B4GALT4: variants seen among roughly 807,000 people sequenced by gnomAD.
B4GALT4 encodes beta-1,4-galactosyltransferase 4.
B4GALT4 carries 27 observed loss-of-function variants against 37.3 expected under a neutral mutation model. The ratio of observed to expected loss-of-function variants is 0.72; its 90% CI spans 0.53 to 1.00. The LOEUF (loss-of-function observed/expected upper bound fraction) is 1.00, where lower values mean the gene tolerates loss of function less well. Ranked by LOEUF, B4GALT4 falls within the 50% of genes least tolerant of loss-of-function variation. The pLI, the probability that B4GALT4 is intolerant of heterozygous loss-of-function variation, is 0.00. For synonymous variants in B4GALT4, 148 were observed against 154.1 expected (o/e 0.96, Z 0.29); for missense variants, 372 against 413.1 (o/e 0.90, Z 0.86).
At chr3:119,223,864 C>T (rs1419357895) in intron 5 of B4GALT4, among the ~76,000 whole-genome samples, 194 bp downstream of exon 5, 2 of 152,208 alleles carry the variant, frequency 1.3e-5, no homozygotes, top group African/African-American at 4.8e-5. Flanking sequence ...CTTTGTGATC[C>T]TCTGCTGAAG....
chr3:119,240,107 G>T (rs74417264), intron 1 of B4GALT4: 9,160 of 150,786 alleles, frequency 0.061, 329 homozygotes, highest in African/African-American at 0.11. Context: ...CCTCACCACC[G>T]CCACGTCCCC....
chr3:119,220,911 G>A (rs1156690037), intron 5 of B4GALT4, among the ~76,000 whole-genome samples: 3 of 151,844 alleles, frequency 2.0e-5, no homozygotes, highest in East Asian at 1.9e-4. Flanking sequence ...CCTTGAACCC[G>A]GGAGGTGGAA....
At chr3:119,232,494 G>A (rs1453532810) in intron 2 of B4GALT4, 4 of 152,288 alleles carry the variant, frequency 2.6e-5, no homozygotes, top group African/African-American at 9.7e-5. Context: ...CCTTCACATG[G>A]ATATTTCCTC....
intron 4 of B4GALT4, among the ~76,000 whole-genome samples, chr3:119,225,756 C>A (rs924276113): frequency 1.3e-5 from 2 of 152,136 alleles, no homozygotes; most frequent in African/African-American, 4.8e-5. Flanking sequence ...TAGTACTATA[C>A]CTTGTAGGTT....
At chr3:119,232,370 T>A (rs1031332858) in intron 2 of B4GALT4, 1 of 152,226 alleles carries the variant, frequency 6.6e-6, no homozygotes, top group African/African-American at 2.4e-5. Context: ...ACTAGTCTCA[T>A]CTTACAGGTA....
At chr3:119,238,340 T>A (rs557278459) in intron 1 of B4GALT4, among the ~76,000 whole-genome samples, 16 of 151,530 alleles carry the variant, frequency 1.1e-4, no homozygotes, top group East Asian at 7.8e-4. Flanking sequence ...ACCTTTTACA[T>A]ACAAAATGAT....
chr3:119,224,307 C>T lies in B4GALT4; in HGVS notation c.487-62G>A, dbSNP rs540815168. 4 of 1,349,296 alleles carry T rather than the reference C, an allele frequency of 3.0e-6. No individual in the cohort carries two copies. The East Asian group carries it at 9.5e-5, about 32-fold the overall frequency. The allele number at this position is 1,349,296 out of a possible 1,614,324, so 83.6% of individuals were successfully genotyped here. A position where few individuals can be genotyped will look rare whatever the true frequency, so the allele number is the denominator to read the frequency against. On this transcript the variant is annotated intron_variant, in intron 4 of 7. Coordinates refer to ENST00000393765, the MANE Select transcript of B4GALT4 (RefSeq NM_003778.4). ...AGATAAAGTTTCATATTGTTTGCCT[C>T]TTAGTTAGGATTCAGGAGATGGTAT... is the stretch of plus-strand genomic sequence containing the variant.
chr3:119,214,631 A>C (rs185521481), intron 7 of B4GALT4: 36 of 152,368 alleles, frequency 2.4e-4, no homozygotes, highest in African/African-American at 8.2e-4. Context: ...CCAAGTCATT[A>C]GTCTGAAAAA....
chr3:119,231,648 G>A (rs1279441247), intron 2 of B4GALT4, among the ~76,000 whole-genome samples: 1 of 150,810 alleles, frequency 6.6e-6, no homozygotes, highest in East Asian at 1.9e-4. Context: ...TATATTAGGA[G>A]AATGGGATTC....
chr3:119,240,305 GATC>G (rs2079114776), intron 1 of B4GALT4: 1 of 152,226 alleles, frequency 6.6e-6, no homozygotes, highest in East Asian at 1.9e-4. Flanking sequence ...AAGGGATACA[GATC>G]AACAAACACT....
In B4GALT4 at chr3:119,220,813, C is replaced by T. The variant is rs566428435; in HGVS notation, c.675-2041G>A. 3.3e-5 allele frequency among the ~76,000 whole-genome samples: 5 copies of T among 152,218 alleles called. No homozygotes were observed. In the South Asian group the frequency reaches 6.2e-4, roughly 19 times the overall value. On this transcript the variant is annotated intron_variant, in intron 5 of 7. Transcript: ENST00000393765. ...CACCCTGGCTAACACTGCGAAACCC[C>T]GTCTCCACTAAAAATACAAAAAATT...
At position 119,212,272 on chromosome 3, in the gene B4GALT4, T is replaced by C. The variant is rs72655941; in HGVS notation, c.*277A>G. The C allele has an allele frequency of 3.8e-3, 2,636 of 701,078 alleles. 11 individuals are homozygous for C. Among genetic ancestry groups the C allele is most frequent in the Middle Eastern group, 7.0e-3 (30 of 4,280 alleles). The allele number at this position is 701,078 out of a possible 1,614,324, so 43.4% of individuals were successfully genotyped here. ...AACCAGAGTCCTCAAATAGCGTTCA[T>C]TTTATCCTTTGAGTCATCCTTTTAT... On this transcript the variant is annotated 3_prime_UTR_variant, in exon 8 of 8. Coordinates refer to ENST00000393765, the MANE Select transcript of B4GALT4 (RefSeq NM_003778.4).
At chr3:119,226,639 T>C in intron 4 of B4GALT4, 170 bp downstream of exon 4, 2 of 649,158 alleles carry the variant, frequency 3.1e-6, no homozygotes, top group South Asian at 3.9e-5. Flanking sequence ...AACTCCACAC[T>C]CTGAGACAAG....
chr3:119,216,461 C>T (rs967282417), intron 6 of B4GALT4, 117 bp from the exon 7 acceptor site: 4 of 488,438 alleles, frequency 8.2e-6, no homozygotes, highest in African/African-American at 2.0e-5. Context: ...CACACACACA[C>T]ACACACACAC....
intron 2 of B4GALT4, among the ~76,000 whole-genome samples, chr3:119,231,691 T>C (rs894431529): frequency 2.0e-5 from 3 of 148,396 alleles, no homozygotes; most frequent in African/African-American, 4.9e-5. Context: ...CTTTTCTTTT[T>C]AGAATTTTTA....
intron 6 of B4GALT4, among the ~76,000 whole-genome samples, chr3:119,217,842 CAAAAAAA>C (rs57522373): frequency 4.6e-5 from 4 of 87,806 alleles, no homozygotes; most frequent in Non-Finnish European, 2.2e-5. Context: ...GACTTTGTCT[CAAAAAAA>C]AAAAAAAAAA....
At chr3:119,238,596 C>A (rs1284503406) in intron 1 of B4GALT4, among the ~76,000 whole-genome samples, 1 of 152,084 alleles carries the variant, frequency 6.6e-6, no homozygotes, top group Non-Finnish European at 1.5e-5. Context: ...TTTATCACAG[C>A]ATATTGTAAC....
Position 119,212,492 on chromosome 3 carries a change from C to G in B4GALT4, c.*57G>C. ...TGTGCTACTATTTGAAGTCTCTAGG[C>G]CAAAATTATTGCAAACAAAGAATCA... is the stretch of plus-strand genomic sequence containing the variant. On this transcript the variant is annotated 3_prime_UTR_variant, in exon 8 of 8. Coordinates refer to ENST00000393765, the MANE Select transcript of B4GALT4 (RefSeq NM_003778.4). 6.5e-7 allele frequency: 1 copy of G among 1,527,190 alleles called. No homozygotes were observed. The highest frequency in any genetic ancestry group is 1.3e-5 in the South Asian group (1 of 76,150). 94.6% of individuals were successfully genotyped at this position (1,527,190 alleles called of 1,614,324 possible).
Position 119,230,060 on chromosome 3 carries a change from G to C in B4GALT4, c.40C>G (p.Arg14Gly). 3 of 1,614,154 alleles carry C rather than the reference G, an allele frequency of 1.9e-6. No homozygotes were observed. The highest frequency in any genetic ancestry group is 2.5e-6 in the Non-Finnish European group (3 of 1,180,016). The change falls in exon 3 of 8, where the codon CGA becomes GGA. Residue 14 changes from arginine (R) to glycine (G), a missense_variant. Physicochemically the swap from Arg to Gly is moderately radical, Grantham distance 125. Transcript: ENST00000393765. ...CACAAAGTCAACAGCAACAGTAATC[G>C]GAATTTGTAGGAAAGGTGGAAAGTC... ...NLTFHLSYKF[R>G]LLLLLTLCLT...
Sources: gnomAD v4.1 joint callset for allele counts (sites outside exome capture counted in the v4.1 genomes callset) on GRCh38, gnomAD v4.1.1 for gene constraint, MANE v1.5 for transcripts, NCBI Gene and HGNC (gene_info 2026-07-23, HGNC 2026-07-21) for gene names.